The following HOXB3 variants were observed in gnomAD, a reference collection of about 807,000 sequenced individuals.
HOXB3 encodes homeobox protein Hox-B3.
HOXB3 carries 17 observed loss-of-function variants against 29.2 expected under a neutral mutation model. That is an observed-to-expected ratio of 0.58 (90% CI 0.40 to 0.87). The LOEUF is 0.87. HOXB3 is among the 40% of genes least tolerant of loss of function. The probability of loss-of-function intolerance (pLI) is 0.00; values close to 1 mark genes in which losing one functional copy is unlikely to be tolerated. For synonymous variants in HOXB3, 317 were observed against 285.9 expected (o/e 1.11, Z -1.10); for missense variants, 637 against 616.3 (o/e 1.03, Z -0.35).
intron 2 of HOXB3, among the ~76,000 whole-genome samples, chr17:48,568,652 G>GCGCGC (rs1567957735): frequency 2.6e-5 from 4 of 151,524 alleles, no homozygotes; most frequent in Non-Finnish European, 5.9e-5. Flanking sequence ...CACACGCGCG[G>GCGCGC]ACACACACAC....
chr17:48,578,609 C>A, intron 1 of HOXB3: 1 of 371,896 alleles, frequency 2.7e-6, no homozygotes, highest in Non-Finnish European at 4.9e-6. Context: ...CCCCTCCTTG[C>A]CTCGCTCTCT....
intron 1 of HOXB3, among the ~76,000 whole-genome samples, chr17:48,587,274 A>T (rs961087186): frequency 3.3e-5 from 5 of 151,972 alleles, no homozygotes; most frequent in Admixed American, 6.5e-5. Context: ...ATTAATATGG[A>T]TGTGTAACAG....
intron 2 of HOXB3, among the ~76,000 whole-genome samples, chr17:48,562,354 G>A (rs76687561): frequency 0.02 from 3,019 of 151,766 alleles, 111 homozygotes; most frequent in African/African-American, 0.069. Flanking sequence ...CATTCCCCCA[G>A]ATGGCCAGCA....
chr17:48,563,164 G>C (rs908449669), intron 2 of HOXB3, among the ~76,000 whole-genome samples: 1 of 152,224 alleles, frequency 6.6e-6, no homozygotes, highest in Non-Finnish European at 1.5e-5. Flanking sequence ...GATGAGGCTG[G>C]GTGGGCAGAA....
chr17:48,577,906 C>T lies in HOXB3; in HGVS notation c.-424-3892G>A, dbSNP rs150391451. 8.2e-4 allele frequency: 1,128 copies of T among 1,376,912 alleles called. 2 individuals are homozygous for T. The highest frequency in any genetic ancestry group is 4.4e-3 in the Admixed American group (147 of 33,704). The allele number at this position is 1,376,912 out of a possible 1,614,324, so 85.3% of individuals were successfully genotyped here. A position where few individuals can be genotyped will look rare whatever the true frequency, so the allele number is the denominator to read the frequency against. ...TGCGCATCCAGGGGTAGACGACGGG[C>T]TCTTTGCACGCGGAGTGGGACGGGC... On this transcript the variant is annotated intron_variant, in intron 1 of 4. Coordinates refer to ENST00000498678, the MANE Select transcript of HOXB3 (RefSeq NM_001384749.1).
intron 1 of HOXB3, chr17:48,574,559 G>A (rs1332767957): frequency 1.3e-5 from 2 of 152,142 alleles, no homozygotes; most frequent in African/African-American, 2.4e-5. Flanking sequence ...CTGAAAAAAC[G>A]ACTTTTAATT....
At chr17:48,572,915 G>A (rs577763703) in intron 2 of HOXB3, among the ~76,000 whole-genome samples, 14 of 152,118 alleles carry the variant, frequency 9.2e-5, no homozygotes, top group Non-Finnish European at 1.9e-4. Context: ...AGGTCATTTT[G>A]TGGTTCTAAT....
chr17:48,567,382 C>T (rs938369834), intron 2 of HOXB3, among the ~76,000 whole-genome samples: 1 of 152,198 alleles, frequency 6.6e-6, no homozygotes, highest in Non-Finnish European at 1.5e-5. Flanking sequence ...CACAGATAAT[C>T]GTGGCTATAA....
chr17:48,563,018 G>T (rs1393535281), intron 2 of HOXB3, among the ~76,000 whole-genome samples: 1 of 152,176 alleles, frequency 6.6e-6, no homozygotes, highest in Non-Finnish European at 1.5e-5. Flanking sequence ...GGCTGCCAAG[G>T]TCCAGCCTCA....
intron 4 of HOXB3, 89 bp downstream of exon 4, chr17:48,551,938 C>T (rs1597809832): frequency 1.6e-6 from 2 of 1,275,784 alleles, no homozygotes; most frequent in African/African-American, 1.5e-5. Flanking sequence ...CAGGCAGCCT[C>T]GCGGGCGCCT....
rs2068887703 is a variant in HOXB3 at position 48,554,620 on chromosome 17, AC to A, written c.-159+910del. ...CTGCCGCGGCGACTGGCGACAAGCT[AC>A]CAGCCACCTACGATGGCCCAAGGAG... is the stretch of plus-strand genomic sequence containing the variant. On this transcript the variant is annotated intron_variant, in intron 3 of 4. Coordinates refer to ENST00000498678, the MANE Select transcript of HOXB3 (RefSeq NM_001384749.1). The surrounding 1 kb of genome is among the most constrained non-coding windows in gnomAD (Gnocchi z 4.1). 3 of 701,844 alleles carry A rather than the reference AC, an allele frequency of 4.3e-6. No individual in the cohort carries two copies. The highest frequency in any genetic ancestry group is 7.8e-6 in the Non-Finnish European group (3 of 384,670). The allele number at this position is 701,844 out of a possible 1,614,324, so 43.5% of individuals were successfully genotyped here. A position where few individuals can be genotyped will look rare whatever the true frequency, so the allele number is the denominator to read the frequency against.
In HOXB3 at chr17:48,576,550, A is replaced by G. The variant is rs935412327; in HGVS notation, c.-424-2536T>C. The stretch of plus-strand genomic sequence containing the variant: ...TGGCCCTCTATTGTCATTTCTATAA[A>G]TAAAGCTTCCCCTCCCCCTCTTCTG... On this transcript the variant is annotated intron_variant, in intron 1 of 4. Coordinates refer to ENST00000498678, the MANE Select transcript of HOXB3 (RefSeq NM_001384749.1). 4 of 514,194 alleles carry G rather than the reference A, an allele frequency of 7.8e-6. No individual in the cohort carries two copies. In the African/African-American group the frequency reaches 7.8e-5, roughly 10 times the overall value. 31.9% of individuals were successfully genotyped at this position (514,194 alleles called of 1,614,324 possible).
chr17:48,552,861 G>A (rs187601698), intron 3 of HOXB3: 187 of 186,336 alleles, frequency 1.0e-3, no homozygotes, highest in Non-Finnish European at 1.6e-3. Context: ...TAGAATCTAT[G>A]GCAAAGGCCA....
chr17:48,576,431 C>CTTTT (rs2069764358), intron 1 of HOXB3: 1 of 322,482 alleles, frequency 3.1e-6, no homozygotes, highest in Non-Finnish European at 5.6e-6. Context: ...CTCTTTCTGT[C>CTTTT]TTTTTCTTTC....
At chr17:48,560,868 G>A (rs536107613) in intron 2 of HOXB3, among the ~76,000 whole-genome samples, 31 of 152,286 alleles carry the variant, frequency 2.0e-4, no homozygotes, top group Admixed American at 1.5e-3. Context: ...TGCTATCACA[G>A]AATCTAAACT....
intron 2 of HOXB3, among the ~76,000 whole-genome samples, chr17:48,568,181 T>A (rs998695959): frequency 2.0e-5 from 3 of 152,192 alleles, no homozygotes; most frequent in African/African-American, 7.2e-5. Flanking sequence ...TTGGGTTTGT[T>A]CATCCAGGGC....
intron 1 of HOXB3, chr17:48,575,595 G>A (rs2069731714): frequency 6.6e-6 from 1 of 152,500 alleles, no homozygotes; most frequent in African/African-American, 2.4e-5. Context: ...CTAGACTCAA[G>A]CAGCCCCAGA....
chr17:48,586,054 G>C (rs1207406543), intron 1 of HOXB3, among the ~76,000 whole-genome samples: 1 of 152,348 alleles, frequency 6.6e-6, no homozygotes, highest in African/African-American at 2.4e-5. Context: ...AAGCCGCAAG[G>C]CTCAGCCCGG....
chr17:48,571,659 G>A (rs533756007), intron 2 of HOXB3, among the ~76,000 whole-genome samples: 1 of 152,262 alleles, frequency 6.6e-6, no homozygotes, highest in South Asian at 2.1e-4. Flanking sequence ...TGTCACTTGA[G>A]CCTGTAGAAG....
Sources: gnomAD v4.1 joint callset for allele counts (sites outside exome capture counted in the v4.1 genomes callset) on GRCh38, gnomAD v4.1.1 for gene constraint, Gnocchi (gnomAD v3.1) non-coding constraint, MANE v1.5 for transcripts, NCBI Gene and HGNC (gene_info 2026-07-23, HGNC 2026-07-21) for gene names.